Variants in CNTNAP5 observed in about 807,000 individuals in gnomAD.
CNTNAP5 encodes contactin associated protein family member 5, also known as contactin-associated protein-like 5.
CNTNAP5 carries 72 observed loss-of-function variants against 150.2 expected under a neutral mutation model. That is an observed-to-expected ratio of 0.48 (90% CI 0.40 to 0.58). CNTNAP5 has a LOEUF of 0.58. Ranked by LOEUF, CNTNAP5 falls within the 20% of genes least tolerant of loss-of-function variation. CNTNAP5 has a pLI of 0.00. For missense variants in CNTNAP5, 1,636 were observed against 1,626.2 expected (o/e 1.01, Z -0.10); for synonymous variants, 672 against 619.8 (o/e 1.08, Z -1.25).
intron 1 of CNTNAP5, among the ~76,000 whole-genome samples, chr2:124,142,337 A>T (rs2104618097): frequency 6.8e-6 from 1 of 146,814 alleles, no homozygotes; most frequent in Admixed American, 6.9e-5. Flanking sequence ...CAGAATATAC[A>T]TTTTTTTCAG....
intron 2 of CNTNAP5, among the ~76,000 whole-genome samples, chr2:124,223,092 TG>T (rs1311445779): frequency 6.6e-6 from 1 of 152,162 alleles, no homozygotes; most frequent in African/African-American, 2.4e-5. Context: ...ACAAAGTTGT[TG>T]CAAACATTAT....
intron 1 of CNTNAP5, among the ~76,000 whole-genome samples, chr2:124,212,655 T>C (rs777197042): frequency 1.5e-4 from 23 of 152,122 alleles, no homozygotes; most frequent in Non-Finnish European, 3.1e-4. Flanking sequence ...TTTTAAACAC[T>C]GTCAGAGTGA....
chr2:124,096,197 A>G (rs1682929572), intron 1 of CNTNAP5, among the ~76,000 whole-genome samples: 1 of 152,198 alleles, frequency 6.6e-6, no homozygotes, highest in African/African-American at 2.4e-5. Context: ...AAGTAAATCA[A>G]CATTCACTAT....
intron 14 of CNTNAP5, among the ~76,000 whole-genome samples, chr2:124,756,661 G>A (rs1017441246): frequency 2.6e-5 from 4 of 152,140 alleles, no homozygotes; most frequent in Non-Finnish European, 4.4e-5. Flanking sequence ...ATTAACACAG[G>A]AGGAGGAAAC....
At chr2:124,637,694 C>A (rs1678000458) in intron 12 of CNTNAP5, among the ~76,000 whole-genome samples, 2 of 152,110 alleles carry the variant, frequency 1.3e-5, no homozygotes, top group African/African-American at 4.8e-5. Context: ...TTTTCTAATT[C>A]TACAATTTCC....
intron 3 of CNTNAP5, among the ~76,000 whole-genome samples, chr2:124,336,971 A>G (rs1254779614): frequency 1.3e-5 from 2 of 152,084 alleles, no homozygotes; most frequent in Non-Finnish European, 2.9e-5. Context: ...CAGTGGTTGA[A>G]GTAGTTTACA....
chr2:124,512,262 G>C (rs1468468553), intron 8 of CNTNAP5, among the ~76,000 whole-genome samples: 1 of 151,946 alleles, frequency 6.6e-6, no homozygotes, highest in Non-Finnish European at 1.5e-5. Flanking sequence ...TAGATGCACA[G>C]TGTACTGCCC....
intron 19 of CNTNAP5, among the ~76,000 whole-genome samples, chr2:124,817,805 C>A (rs1483830726): frequency 1.3e-5 from 2 of 152,142 alleles, no homozygotes; most frequent in African/African-American, 2.4e-5. Flanking sequence ...TGACTAGGCA[C>A]CTATGTTATA....
intron 11 of CNTNAP5, among the ~76,000 whole-genome samples, chr2:124,587,006 C>G (rs1056609189): frequency 6.6e-6 from 1 of 152,160 alleles, no homozygotes; most frequent in African/African-American, 2.4e-5. Context: ...TTGGACAAGT[C>G]AGAGTCCTGT....
chr2:124,092,546 A>C (rs1682839778), intron 1 of CNTNAP5, among the ~76,000 whole-genome samples: 1 of 152,240 alleles, frequency 6.6e-6, no homozygotes, highest in African/African-American at 2.4e-5. Context: ...AGATGAGTTT[A>C]GTGAGGCACC....
intron 7 of CNTNAP5, among the ~76,000 whole-genome samples, chr2:124,491,079 T>G (rs527990767): frequency 9.1e-4 from 139 of 152,276 alleles, no homozygotes; most frequent in African/African-American, 3.3e-3. Context: ...ATTTGATGTA[T>G]GTATACATTG....
intron 19 of CNTNAP5, among the ~76,000 whole-genome samples, chr2:124,798,662 A>G (rs1681900132): frequency 6.6e-6 from 1 of 152,190 alleles, no homozygotes; most frequent in Admixed American, 6.5e-5. Flanking sequence ...TGCCACATGT[A>G]TTTTGTCATC....
intron 11 of CNTNAP5, among the ~76,000 whole-genome samples, chr2:124,597,901 C>T (rs1025585450): frequency 2.9e-5 from 4 of 139,602 alleles, no homozygotes; most frequent in Admixed American, 7.5e-5. Context: ...ATTTCATCTT[C>T]CATTGCTGAT....
intron 1 of CNTNAP5, among the ~76,000 whole-genome samples, chr2:124,103,705 G>A (rs1444729483): frequency 1.3e-5 from 2 of 151,760 alleles, no homozygotes; most frequent in Non-Finnish European, 2.9e-5. Context: ...TGCGTGTAAG[G>A]ACACACTGAT....
chr2:124,796,035 G>T (rs1298240969), intron 18 of CNTNAP5, among the ~76,000 whole-genome samples: 2 of 152,016 alleles, frequency 1.3e-5, no homozygotes, highest in African/African-American at 2.4e-5. Context: ...CTGATCAAAA[G>T]CTTAAACTCT....
intron 3 of CNTNAP5, among the ~76,000 whole-genome samples, chr2:124,256,013 G>T (rs1451009078): frequency 6.6e-6 from 1 of 152,176 alleles, no homozygotes; most frequent in Admixed American, 6.5e-5. Context: ...GAAAATAACA[G>T]AAATGTCATC....
In CNTNAP5 at chr2:124,426,192, G is replaced by A. The variant is rs140181870; in HGVS notation, c.530-8292G>A. On this transcript the variant is annotated intron_variant, in intron 4 of 23. Transcript: ENST00000682447. ...TGTTTTCATGTTTTCTTCTTGAAAC[G>A]CATCCTGTTTTTTCATGTGCTATCA... is the stretch of plus-strand genomic sequence containing the variant. Among the ~76,000 whole-genome samples the A allele has an allele frequency of 3.3e-3, 495 of 152,036 alleles. 1 individual carries two copies. The highest frequency in any genetic ancestry group is 0.011 in the African/African-American group (471 of 41,472).
chr2:124,537,805 T>C (rs1475183963), intron 10 of CNTNAP5, among the ~76,000 whole-genome samples: 2 of 152,142 alleles, frequency 1.3e-5, no homozygotes, highest in Admixed American at 1.3e-4. Flanking sequence ...ATCTCTATCA[T>C]CACTTGTTTT....
At chr2:124,029,138 A>G (rs1031254517) in intron 1 of CNTNAP5, among the ~76,000 whole-genome samples, 1 of 152,072 alleles carries the variant, frequency 6.6e-6, no homozygotes, top group African/African-American at 2.4e-5. Context: ...TGAGAGAGGG[A>G]TCAAAAACTC....
Sources: allele counts gnomAD v4.1 joint callset (sites outside exome capture counted in the v4.1 genomes callset), GRCh38; gene constraint gnomAD v4.1.1; transcripts MANE v1.5; gene names NCBI Gene and HGNC (gene_info 2026-07-23, HGNC 2026-07-21).